The following SLC38A8 variants were observed in gnomAD, a reference collection of about 807,000 sequenced individuals.
SLC38A8 encodes solute carrier family 38 member 8.
In SLC38A8, 65 loss-of-function variants were observed where a neutral mutation model predicts 46.0. The ratio of observed to expected loss-of-function variants is 1.41; its 90% CI spans 1.16 to 1.74. The LOEUF (loss-of-function observed/expected upper bound fraction) is 1.74, where lower values mean the gene tolerates loss of function less well. Ranked by LOEUF, SLC38A8 falls within the 40% of genes most tolerant of loss-of-function variation. The pLI, the probability that SLC38A8 is intolerant of heterozygous loss-of-function variation, is 0.00. For missense variants in SLC38A8, 998 were observed against 567.9 expected, an observed-to-expected ratio of 1.76 and a Z score of -7.70; for synonymous variants, 447 against 243.7, an observed-to-expected ratio of 1.83 and a Z score of -7.77.
intron 6 of SLC38A8, among the ~76,000 whole-genome samples, chr16:84,027,847 C>T (rs1054563041): frequency 3.3e-5 from 5 of 152,286 alleles, no homozygotes; most frequent in South Asian, 2.1e-4. Context: ...AGGTCTGCTG[C>T]ACCATATGGC....
At chr16:84,028,495 G>C (rs2085193161) in intron 6 of SLC38A8, among the ~76,000 whole-genome samples, 1 of 151,392 alleles carries the variant, frequency 6.6e-6, no homozygotes, top group Admixed American at 6.6e-5. Context: ...TTGAACCCAG[G>C]AGGTGCAGTG....
In SLC38A8 at chr16:84,036,822, C is replaced by T. The variant is rs554328794; in HGVS notation, c.268G>A (p.Gly90Ser). 54 of 1,614,050 alleles carry T rather than the reference C, an allele frequency of 3.3e-5. No individual in the cohort carries two copies. In the South Asian group the frequency reaches 5.3e-4, roughly 16 times the overall value. The change falls in exon 3 of 11, where the codon GGT (glycine) becomes AGT (serine). Residue 90 changes from glycine (G) to serine (S), a missense_variant. Coordinates refer to ENST00000299709, the MANE Select transcript of SLC38A8 (RefSeq NM_001080442.3). ...GGGCCACACAGCCCCCTGACCACAC[C>T]CTGGTAGGTGGCCTGGCCACTGACA... The part of the protein sequence containing the change: ...AAVSGQATYQ[G>S]VVRGLCGPAI...
At position 84,028,742 on chromosome 16, in the gene SLC38A8, G is replaced by A. The variant is rs112735811; in HGVS notation, c.690+752C>T. ...GCGCTGTGCCACAGAGCCCTCTGCAGGTCTCTCTCCAGCTGTGCCTGGGGC... is the reference window on the plus strand; with the variant it reads ...GCGCTGTGCCACAGAGCCCTCTGCAAGTCTCTCTCCAGCTGTGCCTGGGGC... On this transcript the variant is annotated intron_variant, in intron 6 of 10. Coordinates refer to ENST00000299709, the MANE Select transcript of SLC38A8 (RefSeq NM_001080442.3). 5.3e-3 allele frequency among the ~76,000 whole-genome samples: 744 copies of A among 139,524 alleles called. 6 individuals are homozygous for A. Among genetic ancestry groups the A allele is most frequent in the African/African-American group, 0.019 (721 of 37,462 alleles). 91.5% of individuals were successfully genotyped at this position (139,524 alleles called of 152,430 possible).
At position 84,042,682 on chromosome 16, in the gene SLC38A8, G is replaced by C. The variant is rs1407370857; in HGVS notation, c.-134C>G. The C allele has an allele frequency of 6.5e-6, 1 of 154,242 alleles. No individual in the cohort carries two copies. Among genetic ancestry groups the C allele is most frequent in the African/African-American group, 2.4e-5 (1 of 41,462 alleles). The allele number at this position is 154,242 out of a possible 1,614,324, so 9.6% of individuals were successfully genotyped here. The stretch of plus-strand genomic sequence containing the variant: ...AGAAGCAAGATTCGAGCTTGGCCAG[G>C]GGTGAGTGAGTCATTAACTAAAGGA... On this transcript the variant is annotated 5_prime_UTR_variant, in exon 1 of 11. Transcript: ENST00000299709.
intron 4 of SLC38A8, 138 bp downstream of exon 4, chr16:84,033,190 T>G: frequency 8.7e-7 from 1 of 1,146,940 alleles, no homozygotes; most frequent in Non-Finnish European, 1.3e-6. Flanking sequence ...ATTTTACTTG[T>G]ATAATTTTTT....
At chr16:84,015,028 C>T (rs1168560328) in intron 9 of SLC38A8, among the ~76,000 whole-genome samples, 4 of 152,190 alleles carry the variant, frequency 2.6e-5, no homozygotes, top group African/African-American at 9.7e-5. Context: ...GCATCTACTT[C>T]TTGTCTGTTT....
chr16:84,025,927 T>A (rs2085159069), intron 6 of SLC38A8, among the ~76,000 whole-genome samples: 1 of 152,176 alleles, frequency 6.6e-6, no homozygotes, highest in Non-Finnish European at 1.5e-5. Flanking sequence ...CCCCTCTGCC[T>A]CCTGCACCCC....
Position 84,022,814 on chromosome 16 carries a change from GCA to G in SLC38A8, c.764_765del (p.Val255AlafsTer28), listed in dbSNP as rs745884970. 4 of 1,613,982 alleles carry G rather than the reference GCA, an allele frequency of 2.5e-6. No homozygotes were observed. The highest frequency in any genetic ancestry group is 1.1e-5 in the South Asian group (1 of 91,070). ...RSLSHWALVS[V>X]LSLLACCLIY... is the part of the protein sequence containing the mutation. ...ATGAGGCAGCAGGCCAGCAAGGACAGCACAGACACCAGGGCCCAGTGGGAGAG... is the reference window on the plus strand; with the variant it reads ...ATGAGGCAGCAGGCCAGCAAGGACAGCAGACACCAGGGCCCAGTGGGAGAG... On this transcript the variant is annotated frameshift_variant, in exon 7 of 11. Transcript: ENST00000299709. LOFTEE classifies it high-confidence loss of function.
chr16:84,026,303 C>T (rs1317645207), intron 6 of SLC38A8, among the ~76,000 whole-genome samples: 1 of 152,202 alleles, frequency 6.6e-6, no homozygotes. Context: ...GATCTTGGCT[C>T]ACTGCAACCT....
chr16:84,009,924 C>T (rs201460569), intron 10 of SLC38A8, 47 bp from the exon 11 acceptor site: 1 of 1,551,406 alleles, frequency 6.4e-7, no homozygotes, highest in Non-Finnish European at 8.8e-7. Context: ...GATTTTTGCA[C>T]AAATAAGCCA....
At chr16:84,015,153 G>A (rs570400422) in intron 9 of SLC38A8, among the ~76,000 whole-genome samples, 23 of 152,254 alleles carry the variant, frequency 1.5e-4, no homozygotes, top group African/African-American at 4.8e-4. Flanking sequence ...CACGGAACAC[G>A]CACTGAGGGA....
At chr16:84,010,903 G>A (rs2084944580) in intron 10 of SLC38A8, among the ~76,000 whole-genome samples, 1 of 152,188 alleles carries the variant, frequency 6.6e-6, no homozygotes, top group Non-Finnish European at 1.5e-5. Flanking sequence ...GGACGAGGAC[G>A]CAGGAGGCAG....
intron 4 of SLC38A8, 43 bp downstream of exon 4, chr16:84,033,285 C>T (rs756207385): frequency 1.2e-6 from 2 of 1,613,526 alleles, no homozygotes; most frequent in Non-Finnish European, 1.7e-6. Context: ...CACAAACACT[C>T]AGCAAGGTGG....
chr16:84,016,395 G>T, intron 9 of SLC38A8, 124 bp downstream of exon 9: 2 of 1,087,500 alleles, frequency 1.8e-6, no homozygotes, highest in Non-Finnish European at 2.6e-6. Context: ...ACCTACATGG[G>T]GTCTTAATCC....
Position 84,042,175 on chromosome 16 carries a change from G to C in SLC38A8, c.-2-16C>G. On this transcript the variant is annotated splice_polypyrimidine_tract_variant and intron_variant, in intron 1 of 10. Coordinates refer to ENST00000299709, the MANE Select transcript of SLC38A8 (RefSeq NM_001080442.3). Reference sequence around the variant, plus strand: ...CCCTCCATGGCTAGAGGCGGCAGAGGGGTGGAGAGAAAGCACAGTCTTCAC... The same window carrying C: ...CCCTCCATGGCTAGAGGCGGCAGAGCGGTGGAGAGAAAGCACAGTCTTCAC... The C allele has an allele frequency of 6.3e-7, 1 of 1,597,136 alleles. No homozygotes were observed. Among genetic ancestry groups the C allele is most frequent in the Non-Finnish European group, 8.5e-7 (1 of 1,173,124 alleles).
chr16:84,037,277 T>C (rs1022301954), intron 2 of SLC38A8, among the ~76,000 whole-genome samples: 1 of 152,170 alleles, frequency 6.6e-6, no homozygotes, highest in African/African-American at 2.4e-5. Flanking sequence ...GAACCCGAGG[T>C]GGAGCGGGCA....
At chr16:84,022,262 G>A (rs1805721920) in intron 7 of SLC38A8, among the ~76,000 whole-genome samples, 1 of 152,208 alleles carries the variant, frequency 6.6e-6, no homozygotes, top group East Asian at 1.9e-4. Flanking sequence ...AGCCGTGCCA[G>A]GGACCTGGGA....
intron 6 of SLC38A8, among the ~76,000 whole-genome samples, chr16:84,029,210 C>T (rs989257039): frequency 2.0e-5 from 3 of 152,194 alleles, no homozygotes; most frequent in Non-Finnish European, 1.5e-5. Flanking sequence ...GGTCCCCACA[C>T]TCTACGCGAA....
At chr16:84,018,870 G>T (rs552005330) in intron 7 of SLC38A8, among the ~76,000 whole-genome samples, 3 of 152,142 alleles carry the variant, frequency 2.0e-5, no homozygotes, top group Non-Finnish European at 2.9e-5. Flanking sequence ...GAGATATATG[G>T]GGTGGGTATA....
Sources: allele counts gnomAD v4.1 joint callset (sites outside exome capture counted in the v4.1 genomes callset), GRCh38; gene constraint gnomAD v4.1.1; transcripts MANE v1.5; gene names NCBI Gene and HGNC (gene_info 2026-07-23, HGNC 2026-07-21).